CLVS1: variants seen among roughly 807,000 people sequenced by gnomAD.
The protein encoded by CLVS1 is clavesin 1.
Under a neutral mutation model 33.1 loss-of-function variants are expected in CLVS1, and 10 were observed. The ratio of observed to expected loss-of-function variants is 0.30; its 90% CI spans 0.19 to 0.51. The LOEUF (loss-of-function observed/expected upper bound fraction) is 0.51, where lower values mean the gene tolerates loss of function less well. Among genes scored for constraint, CLVS1 ranks in the 20% least tolerant of loss-of-function variants. The pLI is 0.97. For synonymous variants in CLVS1, 163 were observed against 166.1 expected (o/e 0.98, Z 0.14); for missense variants, 343 against 433.4 (o/e 0.79, Z 1.85).
chr8:61,067,915 C>G (rs1280844834), intron 1 of CLVS1, among the ~76,000 whole-genome samples: 1 of 151,856 alleles, frequency 6.6e-6, no homozygotes, highest in East Asian at 1.9e-4. Flanking sequence ...ATACCCCAAA[C>G]CTCAGCATCA....
intron 5 of CLVS1, among the ~76,000 whole-genome samples, chr8:61,496,476 T>C (rs898731605): frequency 4.1e-4 from 62 of 152,140 alleles, no homozygotes; most frequent in Admixed American, 3.9e-3. Flanking sequence ...CTTCCCCACA[T>C]GCACACTGGG....
chr8:61,421,703 C>T (rs967420654), intron 3 of CLVS1, among the ~76,000 whole-genome samples: 1 of 152,240 alleles, frequency 6.6e-6, no homozygotes, highest in Non-Finnish European at 1.5e-5. Context: ...ATAGGACCAA[C>T]TTCACAGCCC....
At chr8:61,232,028 T>TTG (rs1808449639) in intron 2 of CLVS1, among the ~76,000 whole-genome samples, 2 of 114,836 alleles carry the variant, frequency 1.7e-5, no homozygotes, top group East Asian at 2.6e-4. Context: ...TTGTGGTTTT[T>TTG]TTTTTTTTTT....
At chr8:60,971,801 GA>G in the CLVS1 span, among the ~76,000 whole-genome samples, 1 of 152,162 alleles carries the variant, frequency 6.6e-6, no homozygotes, top group Non-Finnish European at 1.5e-5. Flanking sequence ...GAATCGAGAA[GA>G]CAGTTTGGGA....
At chr8:60,993,426 G>A in the CLVS1 span, among the ~76,000 whole-genome samples, 1 of 152,226 alleles carries the variant, frequency 6.6e-6, no homozygotes, top group Non-Finnish European at 1.5e-5. Flanking sequence ...GGGCCCCACT[G>A]TGTTCTCATC....
At chr8:61,042,698 C>T in the CLVS1 span, among the ~76,000 whole-genome samples, 3 of 152,104 alleles carry the variant, frequency 2.0e-5, no homozygotes, top group Non-Finnish European at 4.4e-5. Flanking sequence ...TCTTTTTCAT[C>T]CTTACAGCTA....
chr8:61,153,737 C>T (rs1443147134), intron 2 of CLVS1, among the ~76,000 whole-genome samples: 1 of 152,040 alleles, frequency 6.6e-6, no homozygotes, highest in East Asian at 1.9e-4. Context: ...ACTCTGTGCC[C>T]TGCTTACAGT....
chr8:61,090,368 C>G (rs1054415818), intron 1 of CLVS1, among the ~76,000 whole-genome samples: 3 of 152,100 alleles, frequency 2.0e-5, no homozygotes, highest in African/African-American at 7.2e-5. Context: ...TGAATAATGG[C>G]CCACAGGTTT....
chr8:61,078,096 G>T (rs1804957983), intron 1 of CLVS1, among the ~76,000 whole-genome samples: 1 of 152,186 alleles, frequency 6.6e-6, no homozygotes, highest in African/African-American at 2.4e-5. Flanking sequence ...GGCTTCCCTG[G>T]GTCAGGATCC....
At chr8:61,411,373 G>A (rs1207223176) in intron 3 of CLVS1, among the ~76,000 whole-genome samples, 2 of 152,134 alleles carry the variant, frequency 1.3e-5, no homozygotes, top group Non-Finnish European at 2.9e-5. Context: ...AATTAACACA[G>A]AAGCAAGGCT....
intron 1 of CLVS1, among the ~76,000 whole-genome samples, chr8:61,298,141 A>G (rs1810287431): frequency 6.6e-6 from 1 of 151,892 alleles, no homozygotes. Context: ...GAAGAACTGG[A>G]GAAGGAAGAC....
intron 3 of CLVS1, among the ~76,000 whole-genome samples, chr8:61,451,351 T>TAAAA (rs1389759452): frequency 2.0e-5 from 3 of 152,310 alleles, no homozygotes; most frequent in African/African-American, 7.2e-5. Context: ...TTGTAGAATG[T>TAAAA]GTATAGTTTA....
chr8:61,492,136 A>G (rs1804109279), intron 5 of CLVS1, among the ~76,000 whole-genome samples: 1 of 152,222 alleles, frequency 6.6e-6, no homozygotes, highest in Non-Finnish European at 1.5e-5. Flanking sequence ...CACAAGCATA[A>G]TGGAGTAAAT....
intron 2 of CLVS1, among the ~76,000 whole-genome samples, chr8:61,238,316 C>T (rs922575659): frequency 2.0e-5 from 3 of 151,916 alleles, no homozygotes; most frequent in African/African-American, 7.3e-5. Context: ...TCCTTGCCTC[C>T]CCTTCCCTCT....
At chr8:61,336,501 G>A (rs898971810) in intron 2 of CLVS1, among the ~76,000 whole-genome samples, 9 of 152,038 alleles carry the variant, frequency 5.9e-5, no homozygotes, top group Non-Finnish European at 1.0e-4. Flanking sequence ...ACCTCTGCCC[G>A]GCACCCTGGG....
chr8:61,492,337 CA>C (rs1342985678), intron 5 of CLVS1, among the ~76,000 whole-genome samples: 1 of 152,268 alleles, frequency 6.6e-6, no homozygotes, highest in East Asian at 1.9e-4. Context: ...AGATAGTTTA[CA>C]TTTTTTTGGT....
intron 2 of CLVS1, among the ~76,000 whole-genome samples, chr8:61,153,428 G>C (rs1267091404): frequency 1.3e-5 from 2 of 152,220 alleles, no homozygotes; most frequent in Non-Finnish European, 2.9e-5. Context: ...AATGTTTACA[G>C]GTTAGAAGAA....
At chr8:61,471,661 C>T (rs1220085747) in intron 5 of CLVS1, among the ~76,000 whole-genome samples, 2 of 152,202 alleles carry the variant, frequency 1.3e-5, no homozygotes, top group Admixed American at 6.5e-5. Flanking sequence ...CAGCACAGCA[C>T]CCCTACCTCC....
rs1440688858 is a variant in CLVS1, at chr8:61,271,863, G to A, written c.-151-27814G>A. On this transcript the variant is annotated intron_variant, in intron 2 of 2. Coordinates refer to the CLVS1 transcript ENST00000522621. ...CCCTGCCTTTTTTTGTTTTCCATTT[G>A]CTTGGTAGATCTTCCTCCATCCTTT... Among the ~76,000 whole-genome samples the A allele has an allele frequency of 3.3e-5, 5 of 150,326 alleles. No homozygotes were observed. In the East Asian group the frequency reaches 9.8e-4, roughly 29 times the overall value.
Sources: allele counts gnomAD v4.1 joint callset (sites outside exome capture counted in the v4.1 genomes callset), GRCh38; gene constraint gnomAD v4.1.1; transcripts MANE v1.5; gene names NCBI Gene and HGNC (gene_info 2026-07-23, HGNC 2026-07-21).